CDH12: variants seen among roughly 807,000 people sequenced by gnomAD.
The protein encoded by CDH12 is cadherin-12.
Under a neutral mutation model 74.1 loss-of-function variants are expected in CDH12, and 41 were observed. The ratio of observed to expected loss-of-function variants is 0.55; its 90% CI spans 0.43 to 0.72. CDH12 has a LOEUF of 0.72. CDH12 is among the 30% of genes least tolerant of loss of function. The pLI is 0.00. For missense variants in CDH12, 945 were observed against 977.2 expected, an observed-to-expected ratio of 0.97 and a Z score of 0.44; for synonymous variants, 399 against 355.0, an observed-to-expected ratio of 1.12 and a Z score of -1.39.
chr5:22,355,399 T>C (rs1339941946), intron 3 of CDH12, among the ~76,000 whole-genome samples: 1 of 151,836 alleles, frequency 6.6e-6, no homozygotes, highest in Non-Finnish European at 1.5e-5. Flanking sequence ...ATAAAAGTAA[T>C]TAAAGAACAA....
chr5:22,527,543 C>A (rs1737343830), intron 1 of CDH12, among the ~76,000 whole-genome samples: 1 of 152,084 alleles, frequency 6.6e-6, no homozygotes. Flanking sequence ...TTATGGTAAC[C>A]ACATCCACAT....
chr5:22,826,038 G>C (rs574721439), intron 1 of CDH12, among the ~76,000 whole-genome samples: 2 of 152,258 alleles, frequency 1.3e-5, no homozygotes, highest in African/African-American at 4.8e-5. Context: ...GTGTACTAGA[G>C]GACATAGTCA....
chr5:21,832,800 ATATT>A lies in CDH12; in HGVS notation c.814+9357_814+9360del, dbSNP rs1313041916. Among the ~76,000 whole-genome samples, 8 of 86,594 alleles carry A rather than the reference ATATT, an allele frequency of 9.2e-5. 1 individual carries two copies. The highest frequency in any genetic ancestry group is 7.4e-4 in the African/African-American group (8 of 10,752). The allele number at this position is 86,594 out of a possible 152,430, so 56.8% of individuals were successfully genotyped here. A position where few individuals can be genotyped will look rare whatever the true frequency, so the allele number is the denominator to read the frequency against. The stretch of plus-strand genomic sequence containing the variant: ...TATTAATATATATCATATAATATAT[ATATT>A]ATCATATAATATATGATATATATTA... On this transcript the variant is annotated intron_variant, in intron 8 of 14. Transcript: ENST00000382254.
chr5:22,700,160 C>G (rs1372748711), intron 1 of CDH12, among the ~76,000 whole-genome samples: 1 of 151,840 alleles, frequency 6.6e-6, no homozygotes, highest in Non-Finnish European at 1.5e-5. Flanking sequence ...AAGTGAGACT[C>G]TGTCTCAAAA....
At position 22,164,134 on chromosome 5, in the gene CDH12, C is replaced by G. The variant is rs556189833; in HGVS notation, c.-187+48364G>C. 6.6e-5 allele frequency among the ~76,000 whole-genome samples: 10 copies of G among 152,278 alleles called. No individual in the cohort carries two copies. The East Asian group carries it at 1.9e-3, about 29-fold the overall frequency. On this transcript the variant is annotated intron_variant, in intron 4 of 14. Coordinates refer to ENST00000382254, the MANE Select transcript of CDH12 (RefSeq NM_004061.5). ...CAGGGGTCCTTGCTCCCAGAGCTCC[C>G]AAGATGGTCGTGGGCCACTTCCAAA...
At chr5:22,432,843 C>G (rs568414784) in intron 2 of CDH12, among the ~76,000 whole-genome samples, 18 of 152,110 alleles carry the variant, frequency 1.2e-4, no homozygotes, top group South Asian at 2.1e-4. Flanking sequence ...GACTGTTAAA[C>G]CTGTGTGGGA....
intron 9 of CDH12, among the ~76,000 whole-genome samples, chr5:21,803,775 T>G (rs563106837): frequency 6.6e-6 from 1 of 152,252 alleles, no homozygotes; most frequent in South Asian, 2.1e-4. Context: ...AAGTTGCTAA[T>G]TGCTGTGTCA....
intron 3 of CDH12, among the ~76,000 whole-genome samples, chr5:22,403,192 G>A (rs1371009786): frequency 6.6e-6 from 1 of 152,118 alleles, no homozygotes; most frequent in Non-Finnish European, 1.5e-5. Flanking sequence ...AACTGTGAGA[G>A]AATGATTTTC....
chr5:21,945,997 T>G (rs1755562616), intron 6 of CDH12, among the ~76,000 whole-genome samples: 1 of 149,038 alleles, frequency 6.7e-6, no homozygotes, highest in South Asian at 2.1e-4. Flanking sequence ...AAAAAAAAAT[T>G]AAAAATCTTG....
At chr5:22,484,374 T>G (rs887157438) in intron 2 of CDH12, among the ~76,000 whole-genome samples, 2 of 152,128 alleles carry the variant, frequency 1.3e-5, no homozygotes, top group Non-Finnish European at 2.9e-5. Flanking sequence ...AGTGGAGAAT[T>G]AAAGAGAGTA....
rs973285224 is a variant in CDH12, at chr5:21,969,377, G to A, written c.526+5714C>T. 2.0e-5 allele frequency among the ~76,000 whole-genome samples: 3 copies of A among 152,154 alleles called. No individual in the cohort carries two copies. The East Asian group carries it at 5.8e-4, about 29-fold the overall frequency. On this transcript the variant is annotated intron_variant, in intron 6 of 14. Coordinates refer to ENST00000382254, the MANE Select transcript of CDH12 (RefSeq NM_004061.5). The stretch of plus-strand genomic sequence containing the variant: ...AGCCCTCAGTGATCCCAGCTTTCTT[G>A]TATTCGCGTTGCACTTACTTGTAGA...
intron 1 of CDH12, among the ~76,000 whole-genome samples, chr5:22,516,808 T>C (rs1736828591): frequency 6.6e-6 from 1 of 151,504 alleles, no homozygotes; most frequent in Admixed American, 6.6e-5. Context: ...ATAAAAATTA[T>C]AAGTAAAATT....
At chr5:21,856,597 T>C (rs931329288) in intron 6 of CDH12, among the ~76,000 whole-genome samples, 27 of 151,926 alleles carry the variant, frequency 1.8e-4, no homozygotes, top group Non-Finnish European at 3.1e-4. Context: ...ACACGTATTG[T>C]CTTTACTTTC....
intron 6 of CDH12, among the ~76,000 whole-genome samples, chr5:21,973,761 A>T (rs577275732): frequency 2.0e-4 from 31 of 152,176 alleles, no homozygotes; most frequent in African/African-American, 6.7e-4. Context: ...TATTAACTTT[A>T]TTTTTCTCCC....
chr5:21,939,126 T>A (rs1390081340), intron 6 of CDH12, among the ~76,000 whole-genome samples: 1 of 144,746 alleles, frequency 6.9e-6, no homozygotes, highest in Non-Finnish European at 1.5e-5. Context: ...GCTGTATAGA[T>A]ATAGAAAAGA....
In CDH12 at chr5:22,142,578, T is replaced by A. The variant is rs1253194966; in HGVS notation, c.-186-63716A>T. ...AAATTTCCTGTAGGAAGGAGAGATT[T>A]TGACAGTGAGTAGTTTTTCAAAATT... On this transcript the variant is annotated intron_variant, in intron 4 of 14. Transcript: ENST00000382254. 1.5e-5 allele frequency: 10 copies of A among 676,546 alleles called. No individual in the cohort carries two copies. The East Asian group carries it at 3.8e-4, about 26-fold the overall frequency. The allele number at this position is 676,546 out of a possible 1,614,324, so 41.9% of individuals were successfully genotyped here. A position where few individuals can be genotyped will look rare whatever the true frequency, so the allele number is the denominator to read the frequency against.
intron 5 of CDH12, among the ~76,000 whole-genome samples, chr5:22,054,404 A>T (rs1230911989): frequency 6.6e-6 from 1 of 152,080 alleles, no homozygotes; most frequent in African/African-American, 2.4e-5. Flanking sequence ...TTTTAACTGG[A>T]CACCTCTCAT....
At chr5:22,341,220 G>C (rs1416919855) in intron 3 of CDH12, among the ~76,000 whole-genome samples, 1 of 152,122 alleles carries the variant, frequency 6.6e-6, no homozygotes, top group Admixed American at 6.5e-5. Flanking sequence ...GGTCAGGCCA[G>C]GTGCAGTACC....
At chr5:22,022,305 C>T (rs1216924902) in intron 5 of CDH12, among the ~76,000 whole-genome samples, 2 of 152,064 alleles carry the variant, frequency 1.3e-5, no homozygotes, top group East Asian at 3.9e-4. Flanking sequence ...ATGATACTGA[C>T]TCATGAGATC....
Sources: allele counts gnomAD v4.1 joint callset (sites outside exome capture counted in the v4.1 genomes callset), GRCh38; gene constraint gnomAD v4.1.1; transcripts MANE v1.5; gene names NCBI Gene and HGNC (gene_info 2026-07-23, HGNC 2026-07-21).